SMARCA2: variants seen among roughly 807,000 people sequenced by gnomAD.
The protein encoded by SMARCA2 is SWI/SNF-related matrix-associated actin-dependent regulator of chromatin subfamily A member 2.
A neutral mutation model predicts 199.8 loss-of-function variants in SMARCA2; 61 were observed. The observed-to-expected ratio is 0.31, with a 90% confidence interval of 0.25 to 0.38. The LOEUF (loss-of-function observed/expected upper bound fraction) is 0.38. Ranked by LOEUF, SMARCA2 falls within the 10% of genes least tolerant of loss-of-function variation. SMARCA2 has a pLI of 1.00. For missense variants in SMARCA2, 1,344 were observed against 2,012.2 expected (o/e 0.67, Z 6.35); for synonymous variants, 935 against 732.0 (o/e 1.28, Z -4.48).
At chr9:2,028,955 C>G in intron 1 of SMARCA2, 32 bp from the exon 2 acceptor site, 5 of 1,503,970 alleles carry the variant, frequency 3.3e-6, no homozygotes, top group Non-Finnish European at 4.5e-6. Context: ...ATGTTTAAAA[C>G]ATGCCTTCCT....
At chr9:2,099,745 T>C (rs1157033734) in intron 21 of SMARCA2, among the ~76,000 whole-genome samples, 1 of 152,134 alleles carries the variant, frequency 6.6e-6, no homozygotes, top group Non-Finnish European at 1.5e-5. Context: ...CACCCTTTGT[T>C]CATACTAAAT....
intron 4 of SMARCA2, chr9:2,046,129 G>A (rs1482981555): frequency 2.0e-5 from 3 of 152,046 alleles, no homozygotes; most frequent in African/African-American, 2.4e-5. Flanking sequence ...AGAAAAAATT[G>A]GAAAAATGCT....
chr9:2,128,389 C>G (rs1823790836), intron 27 of SMARCA2, among the ~76,000 whole-genome samples: 1 of 152,214 alleles, frequency 6.6e-6, no homozygotes, highest in South Asian at 2.1e-4. Context: ...TCTCACATCT[C>G]ATAAGACCCC....
At chr9:2,048,934 CTA>C (rs1232079345) in intron 5 of SMARCA2, among the ~76,000 whole-genome samples, 3 of 152,058 alleles carry the variant, frequency 2.0e-5, no homozygotes, top group Admixed American at 1.3e-4. Flanking sequence ...TTTTAAAAAG[CTA>C]AAAGTATTGG....
At chr9:2,112,380 C>T (rs956300077) in intron 24 of SMARCA2, among the ~76,000 whole-genome samples, 4 of 152,042 alleles carry the variant, frequency 2.6e-5, no homozygotes, top group African/African-American at 9.7e-5. Flanking sequence ...GCACAGTATA[C>T]AGTATAAATC....
At chr9:2,067,738 A>T (rs139322379) in intron 9 of SMARCA2, among the ~76,000 whole-genome samples, 76 of 152,336 alleles carry the variant, frequency 5.0e-4, no homozygotes, top group African/African-American at 1.7e-3. Context: ...TGCAGAACCA[A>T]ATGTCTTAAA....
intron 25 of SMARCA2, among the ~76,000 whole-genome samples, chr9:2,118,034 T>G (rs1823286156): frequency 6.6e-6 from 1 of 152,214 alleles, no homozygotes; most frequent in Non-Finnish European, 1.5e-5. Context: ...TGGTTTTCCA[T>G]GAAGGTCATA....
At chr9:2,191,444 C>T (rs1016512172) in intron 33 of SMARCA2, 36 bp downstream of exon 33, 2 of 1,610,378 alleles carry the variant, frequency 1.2e-6, no homozygotes, top group Non-Finnish European at 1.7e-6. Flanking sequence ...GGCGGAGACG[C>T]CCTCTCCCCT....
At chr9:2,080,297 A>G (rs1028544134) in intron 14 of SMARCA2, 1 of 152,166 alleles carries the variant, frequency 6.6e-6, no homozygotes, top group Non-Finnish European at 1.5e-5. Context: ...CCCCTGGCCA[A>G]TTCTGCCAGT....
intron 27 of SMARCA2, among the ~76,000 whole-genome samples, chr9:2,149,236 G>T (rs1404286813): frequency 6.6e-6 from 1 of 151,308 alleles, no homozygotes; most frequent in Non-Finnish European, 1.5e-5. Flanking sequence ...GGAAACCCCT[G>T]GCTGGGTGTG....
chr9:2,139,621 T>C (rs907578341), intron 27 of SMARCA2, among the ~76,000 whole-genome samples: 4 of 151,098 alleles, frequency 2.6e-5, no homozygotes, highest in African/African-American at 9.8e-5. Context: ...GTTCTATTTT[T>C]CTCCATTTTT....
intron 1 of SMARCA2, among the ~76,000 whole-genome samples, chr9:2,015,646 A>G (rs1818322348): frequency 6.6e-6 from 1 of 152,210 alleles, no homozygotes; most frequent in Non-Finnish European, 1.5e-5. Flanking sequence ...GACAGCTCCC[A>G]GGCGGCGGTG....
At chr9:2,063,918 A>G (rs1215059825) in intron 9 of SMARCA2, among the ~76,000 whole-genome samples, 3 of 152,144 alleles carry the variant, frequency 2.0e-5, no homozygotes, top group Non-Finnish European at 2.9e-5. Flanking sequence ...ATCATTTTGT[A>G]ACTTCTCATT....
chr9:2,149,753 G>A (rs1328546774), intron 27 of SMARCA2, among the ~76,000 whole-genome samples: 8 of 151,368 alleles, frequency 5.3e-5, no homozygotes, highest in South Asian at 2.1e-4. Context: ...ATTTTTTTGC[G>A]CTTTAGAGAT....
At chr9:2,031,200 T>A (rs1035413495) in intron 2 of SMARCA2, among the ~76,000 whole-genome samples, 16 of 152,250 alleles carry the variant, frequency 1.1e-4, no homozygotes, top group Admixed American at 6.5e-4. Flanking sequence ...CCTATGACAT[T>A]CTCTAGTTTT....
rs187895942 is a variant in SMARCA2 at position 2,084,249 on chromosome 9, G to C, written c.2526+53G>C. On this transcript the variant is annotated intron_variant, in intron 17 of 33. Coordinates refer to ENST00000349721, the MANE Select transcript of SMARCA2 (RefSeq NM_003070.5). Reference sequence around the variant, plus strand: ...CTAATTAGGACCATTGCACTGGAATGTGAAGTATTGCCCAAGTCAGTAGTG... The same window carrying C: ...CTAATTAGGACCATTGCACTGGAATCTGAAGTATTGCCCAAGTCAGTAGTG... 1.2e-5 allele frequency: 11 copies of C among 914,182 alleles called. No individual in the cohort carries two copies. The African/African-American group carries it at 1.6e-4, about 14-fold the overall frequency. The allele number at this position is 914,182 out of a possible 1,614,324, so 56.6% of individuals were successfully genotyped here. A position where few individuals can be genotyped will look rare whatever the true frequency, so the allele number is the denominator to read the frequency against.
At chr9:2,165,581 GA>G (rs1348773204) in intron 28 of SMARCA2, among the ~76,000 whole-genome samples, 1 of 152,182 alleles carries the variant, frequency 6.6e-6, no homozygotes, top group Admixed American at 6.5e-5. Flanking sequence ...AGTAGTACCA[GA>G]AGGCTTTGTT....
At chr9:2,121,077 T>C (rs1434741648) in intron 26 of SMARCA2, among the ~76,000 whole-genome samples, 5 of 152,190 alleles carry the variant, frequency 3.3e-5, no homozygotes, top group Non-Finnish European at 5.9e-5. Flanking sequence ...AAGCCGCAGA[T>C]ACTCTCAAGA....
intron 21 of SMARCA2, among the ~76,000 whole-genome samples, chr9:2,100,173 A>G (rs1013497759): frequency 2.0e-4 from 31 of 152,218 alleles, no homozygotes; most frequent in African/African-American, 7.2e-4. Flanking sequence ...ATTCCCACAG[A>G]TGGTTGCCAT....
Sources: gnomAD v4.1 joint callset for allele counts (sites outside exome capture counted in the v4.1 genomes callset) on GRCh38, gnomAD v4.1.1 for gene constraint, MANE v1.5 for transcripts, NCBI Gene and HGNC (gene_info 2026-07-23, HGNC 2026-07-21) for gene names.